The following FHIT variants were observed in gnomAD, a reference collection of about 807,000 sequenced individuals.
FHIT encodes fragile histidine triad diadenosine triphosphatase.
A neutral mutation model predicts 17.9 loss-of-function variants in FHIT; 19 were observed. The ratio of observed to expected loss-of-function variants is 1.06; its 90% CI spans 0.74 to 1.56. The LOEUF is 1.56. FHIT is among the 40% of genes most tolerant of loss of function. FHIT has a pLI of 0.00. For missense variants in FHIT, 248 were observed against 189.2 expected (o/e 1.31, Z -1.82); for synonymous variants, 81 against 69.7 (o/e 1.16, Z -0.81).
chr3:60,718,516 G>A (rs1285128442), intron 4 of FHIT, among the ~76,000 whole-genome samples: 13 of 152,134 alleles, frequency 8.5e-5, no homozygotes, highest in African/African-American at 2.9e-4. Context: ...ACAATTGTAA[G>A]GGCACTGGGC....
intron 5 of FHIT, among the ~76,000 whole-genome samples, chr3:60,458,012 G>A (rs1168982525): frequency 5.3e-5 from 8 of 152,168 alleles, no homozygotes; most frequent in Admixed American, 5.2e-4. Context: ...AACCATTGTG[G>A]AAGTCAGTGT....
intron 2 of FHIT, among the ~76,000 whole-genome samples, chr3:61,059,224 T>C (rs2034336946): frequency 1.3e-5 from 2 of 152,352 alleles, no homozygotes; most frequent in Admixed American, 6.5e-5. Context: ...TTGAAAACAC[T>C]GTCCAACATT....
chr3:60,843,392 CAGAG>C (rs113698754), intron 3 of FHIT, among the ~76,000 whole-genome samples: 1 of 152,144 alleles, frequency 6.6e-6, no homozygotes, highest in Non-Finnish European at 1.5e-5. Context: ...AAAACACAGT[CAGAG>C]AGAGACTTCC....
At chr3:61,078,432 G>A (rs540884982) in intron 2 of FHIT, among the ~76,000 whole-genome samples, 1 of 152,008 alleles carries the variant, frequency 6.6e-6, no homozygotes, top group African/African-American at 2.4e-5. Flanking sequence ...AAAAAGGGGG[G>A]CCTTACCCAT....
intron 5 of FHIT, among the ~76,000 whole-genome samples, chr3:60,282,867 A>G (rs1707527297): frequency 6.6e-6 from 1 of 152,156 alleles, no homozygotes; most frequent in Non-Finnish European, 1.5e-5. Flanking sequence ...TCAAACAAGT[A>G]GGAAGATTCT....
intron 5 of FHIT, among the ~76,000 whole-genome samples, chr3:60,271,208 T>C (rs1347008937): frequency 1.3e-5 from 2 of 152,036 alleles, no homozygotes; most frequent in Non-Finnish European, 2.9e-5. Flanking sequence ...AAGACCAGCC[T>C]GGTCAACATG....
intron 4 of FHIT, among the ~76,000 whole-genome samples, chr3:60,560,329 T>A (rs1165481451): frequency 6.6e-6 from 1 of 152,060 alleles, no homozygotes; most frequent in East Asian, 1.9e-4. Context: ...CTCTCTGTCT[T>A]ACATATTAGA....
rs563544177 is a variant in FHIT at position 60,345,503 on chromosome 3, G to A, written c.103+191357C>T. On this transcript the variant is annotated intron_variant, in intron 5 of 9. Transcript: ENST00000492590. ...TGTGGATACTCTCCTTGCTTTTCAA[G>A]CTCACAGAGAATGGATAAATTATTA... 1.5e-4 allele frequency among the ~76,000 whole-genome samples: 23 copies of A among 152,308 alleles called. No homozygotes were observed. In the East Asian group the frequency reaches 4.2e-3, roughly 28 times the overall value.
chr3:60,181,692 A>C (rs1701945959), intron 5 of FHIT, among the ~76,000 whole-genome samples: 1 of 152,176 alleles, frequency 6.6e-6, no homozygotes. Context: ...CAGATTTGTG[A>C]TCTGGTCTCA....
intron 5 of FHIT, among the ~76,000 whole-genome samples, chr3:60,222,572 C>T (rs1171309464): frequency 6.6e-6 from 1 of 152,060 alleles, no homozygotes; most frequent in Admixed American, 6.5e-5. Context: ...GGGTGGATCA[C>T]GAGGTCAGGA....
chr3:60,934,203 C>G (rs1447787548), intron 3 of FHIT, among the ~76,000 whole-genome samples: 2 of 151,784 alleles, frequency 1.3e-5, no homozygotes, highest in East Asian at 3.9e-4. Context: ...TTTGCAGTAC[C>G]AGGAGAAATG....
intron 5 of FHIT, among the ~76,000 whole-genome samples, chr3:60,060,466 G>A (rs1440688873): frequency 2.0e-5 from 3 of 152,078 alleles, no homozygotes; most frequent in Non-Finnish European, 4.4e-5. Flanking sequence ...CCCATCACAT[G>A]GTTTATGTAA....
At chr3:60,867,025 A>G (rs1233074044) in intron 3 of FHIT, among the ~76,000 whole-genome samples, 7 of 152,134 alleles carry the variant, frequency 4.6e-5, no homozygotes, top group Non-Finnish European at 1.0e-4. Context: ...TTCGATCACA[A>G]AGTATGCATG....
At chr3:60,721,978 G>A (rs1459710120) in intron 4 of FHIT, among the ~76,000 whole-genome samples, 2 of 152,112 alleles carry the variant, frequency 1.3e-5, no homozygotes, top group Non-Finnish European at 2.9e-5. Context: ...TTAGGAGCTG[G>A]AGAGCACCAA....
At chr3:60,017,935 C>T (rs932845688) in intron 5 of FHIT, among the ~76,000 whole-genome samples, 20 of 152,186 alleles carry the variant, frequency 1.3e-4, no homozygotes, top group African/African-American at 4.8e-4. Flanking sequence ...TGGCTTTCCC[C>T]CACTTTCCAT....
Position 60,912,038 on chromosome 3 carries a change from T to TAC in FHIT, c.-110-90029_-110-90028dup, listed in dbSNP as rs1225393588. Among the ~76,000 whole-genome samples the TAC allele has an allele frequency of 5.2e-4, 58 of 110,980 alleles. 1 individual carries two copies. Among genetic ancestry groups the TAC allele is most frequent in the Admixed American group, 2.9e-3 (34 of 11,626 alleles). 72.8% of individuals were successfully genotyped at this position (110,980 alleles called of 152,430 possible). On this transcript the variant is annotated intron_variant, in intron 3 of 9. Coordinates refer to ENST00000492590, the MANE Select transcript of FHIT (RefSeq NM_002012.4). ...TTTAAAGGTGTTTCCGCCTCTGCCT[T>TAC]ACACACACACACACATACACACACA...
intron 5 of FHIT, among the ~76,000 whole-genome samples, chr3:60,275,153 T>C (rs1707064110): frequency 6.6e-6 from 1 of 151,760 alleles, no homozygotes; most frequent in African/African-American, 2.4e-5. Flanking sequence ...ATTTTGGAAC[T>C]AGGCATATTT....
At chr3:60,464,403 A>T (rs1444587601) in intron 5 of FHIT, among the ~76,000 whole-genome samples, 1 of 152,122 alleles carries the variant, frequency 6.6e-6, no homozygotes, top group African/African-American at 2.4e-5. Context: ...TAAAATGTAC[A>T]ACAAATTACT....
chr3:60,575,675 A>C (rs567222971), intron 4 of FHIT, among the ~76,000 whole-genome samples: 1 of 152,218 alleles, frequency 6.6e-6, no homozygotes, highest in Non-Finnish European at 1.5e-5. Flanking sequence ...ACTTACAAAC[A>C]TAAGTTCCAG....
Sources: gnomAD v4.1 joint callset for allele counts (sites outside exome capture counted in the v4.1 genomes callset) on GRCh38, gnomAD v4.1.1 for gene constraint, MANE v1.5 for transcripts, NCBI Gene and HGNC (gene_info 2026-07-23, HGNC 2026-07-21) for gene names.